The following ZHX2 variants were observed in gnomAD, a reference collection of about 807,000 sequenced individuals.
ZHX2 encodes the protein zinc fingers and homeoboxes 2.
ZHX2 carries 6 observed loss-of-function variants against 21.9 expected under a neutral mutation model. The observed-to-expected ratio is 0.27, with a 90% CI of 0.15 to 0.54. The LOEUF is 0.54. ZHX2 is among the 20% of genes least tolerant of loss of function. The pLI is 0.95. For missense variants in ZHX2, 908 were observed against 1,090.7 expected (o/e 0.83, Z 2.36); for synonymous variants, 434 against 437.1 (o/e 0.99, Z 0.09).
chr8:122,870,638 C>CAAAAAAA (rs59071295), intron 2 of ZHX2, among the ~76,000 whole-genome samples: 19 of 63,906 alleles, frequency 3.0e-4, no homozygotes, highest in African/African-American at 5.0e-4. Flanking sequence ...GTCTCTGTCT[C>CAAAAAAA]AAAAAAAAAA....
intron 3 of ZHX2, among the ~76,000 whole-genome samples, chr8:122,969,129 C>T (rs1356012439): frequency 1.3e-5 from 2 of 151,740 alleles, no homozygotes; most frequent in Non-Finnish European, 2.9e-5. Flanking sequence ...CCACTGCACT[C>T]CAGCCTGGGT....
intron 2 of ZHX2, among the ~76,000 whole-genome samples, chr8:122,937,734 A>C: frequency 6.7e-6 from 1 of 149,504 alleles, no homozygotes; most frequent in African/African-American, 2.5e-5. Context: ...GCCCACTACC[A>C]CACCTGGCTA....
At chr8:122,958,172 C>A (rs1166294600) in intron 3 of ZHX2, among the ~76,000 whole-genome samples, 1 of 152,186 alleles carries the variant, frequency 6.6e-6, no homozygotes, top group Non-Finnish European at 1.5e-5. Flanking sequence ...CTCCTGCAAC[C>A]AAATCTCTCT....
In ZHX2 at chr8:122,918,675, G is replaced by A. The variant is rs566056226; in HGVS notation, c.-219-32617G>A. 1.7e-3 allele frequency among the ~76,000 whole-genome samples: 253 copies of A among 152,258 alleles called. 1 individual carries two copies. The highest frequency in any genetic ancestry group is 3.1e-3 in the Non-Finnish European group (213 of 68,024). On this transcript the variant is annotated intron_variant, in intron 2 of 3. Coordinates refer to ENST00000314393, the MANE Select transcript of ZHX2 (RefSeq NM_014943.5). Reference sequence around the variant, plus strand: ...TAAAACTTTCTTTACGTCCGGGCGCGGTGGCTCACACCTGTAATCCCAGCA... The same window carrying A: ...TAAAACTTTCTTTACGTCCGGGCGCAGTGGCTCACACCTGTAATCCCAGCA...
At position 122,890,215 on chromosome 8, in the gene ZHX2, A is replaced by G. The variant is rs984644241; in HGVS notation, c.-220+26676A>G. Reference sequence around the variant, plus strand: ...CCCAGCGCCATTTATTGAAGAGACTATCATTTTCCTGATGTAGGTTCTTGG... The same window carrying G: ...CCCAGCGCCATTTATTGAAGAGACTGTCATTTTCCTGATGTAGGTTCTTGG... On this transcript the variant is annotated intron_variant, in intron 2 of 3. Transcript: ENST00000314393. Among the ~76,000 whole-genome samples, 4 of 152,084 alleles carry G rather than the reference A, an allele frequency of 2.6e-5. No homozygotes were observed. In the East Asian group the frequency reaches 5.8e-4, roughly 22 times the overall value.
intron 2 of ZHX2, among the ~76,000 whole-genome samples, chr8:122,884,035 A>G (rs552192505): frequency 6.6e-6 from 1 of 152,358 alleles, no homozygotes; most frequent in East Asian, 1.9e-4. Context: ...ATAGCCAACT[A>G]CACACCTAGG....
At chr8:122,852,352 T>C (rs1487554130) in intron 1 of ZHX2, among the ~76,000 whole-genome samples, 1 of 152,192 alleles carries the variant, frequency 6.6e-6, no homozygotes, top group African/African-American at 2.4e-5. Flanking sequence ...TTCTGAATCC[T>C]AGAAGGTGCA....
intron 1 of ZHX2, among the ~76,000 whole-genome samples, chr8:122,791,290 G>A (rs1039932351): frequency 1.3e-5 from 2 of 152,164 alleles, no homozygotes; most frequent in African/African-American, 4.8e-5. Context: ...TAATATGAAG[G>A]TCAGAGCCAG....
chr8:122,813,441 A>G (rs1182202062), intron 1 of ZHX2, among the ~76,000 whole-genome samples: 1 of 152,198 alleles, frequency 6.6e-6, no homozygotes, highest in Non-Finnish European at 1.5e-5. Context: ...AAAGACTTTC[A>G]GAGCTTGACT....
At chr8:122,802,968 G>A (rs1181349791) in intron 1 of ZHX2, among the ~76,000 whole-genome samples, 5 of 34,894 alleles carry the variant, frequency 1.4e-4, no homozygotes, top group Admixed American at 6.2e-4. Context: ...ACCCCACCCC[G>A]CCCCCAGTTA....
intron 2 of ZHX2, among the ~76,000 whole-genome samples, chr8:122,921,510 GCTCT>G (rs1392372667): frequency 6.6e-6 from 1 of 152,118 alleles, no homozygotes; most frequent in African/African-American, 2.4e-5. Flanking sequence ...GATCTTAAGT[GCTCT>G]CGCCACAAAA....
At chr8:122,922,289 G>T (rs1232950923) in intron 2 of ZHX2, among the ~76,000 whole-genome samples, 1 of 145,272 alleles carries the variant, frequency 6.9e-6, no homozygotes, top group African/African-American at 2.6e-5. Flanking sequence ...AAAAAAAAAA[G>T]AAAAGGAAAA....
chr8:122,950,559 C>A (rs1223203342), intron 2 of ZHX2, among the ~76,000 whole-genome samples: 4 of 152,172 alleles, frequency 2.6e-5, no homozygotes, highest in African/African-American at 9.7e-5. Context: ...CCTGCACATT[C>A]TGCACATGTA....
chr8:122,836,694 T>C (rs1757645432), intron 1 of ZHX2, among the ~76,000 whole-genome samples: 1 of 152,252 alleles, frequency 6.6e-6, no homozygotes, highest in South Asian at 2.1e-4. Context: ...TTTCTTGATC[T>C]TCACGGGTAC....
chr8:122,880,799 T>G (rs1463538200), intron 2 of ZHX2, among the ~76,000 whole-genome samples: 8 of 136,672 alleles, frequency 5.9e-5, no homozygotes, highest in Admixed American at 7.4e-5. Context: ...ATAGAGAGAG[T>G]GAGAGATGCT....
rs754401593 is a variant in ZHX2, at chr8:122,953,028, T to C, written c.1518T>C (p.Leu506=). 20 of 1,613,968 alleles carry C rather than the reference T, an allele frequency of 1.2e-5. No individual in the cohort carries two copies. In the African/African-American group the frequency reaches 2.7e-4, roughly 22 times the overall value. Residue 506 remains leucine, a synonymous_variant, in exon 3 of 4, where the codon CTT becomes CTC. Transcript: ENST00000314393. This position sits in a 1 kb window ranked among gnomAD's most constrained non-coding sequence, Gnocchi z 4.6. Reference sequence around the variant, plus strand: ...TCGTCCACATCACCAGCGAATCCCTTGCCAAAGACCAGTTGGCCATCGCGG... The same window carrying C: ...TCGTCCACATCACCAGCGAATCCCTCGCCAAAGACCAGTTGGCCATCGCGG... ...RGIVHITSES[L]AKDQLAIAAS... is the part of the protein sequence containing the mutation.
intron 1 of ZHX2, among the ~76,000 whole-genome samples, chr8:122,820,000 C>T (rs1293479985): frequency 6.6e-6 from 1 of 151,670 alleles, no homozygotes; most frequent in Non-Finnish European, 1.5e-5. Flanking sequence ...ATCCAGCTTT[C>T]AGAGCTCTCA....
intron 1 of ZHX2, among the ~76,000 whole-genome samples, chr8:122,825,793 T>A (rs2130654268): frequency 6.6e-6 from 1 of 152,308 alleles, no homozygotes; most frequent in South Asian, 2.1e-4. Flanking sequence ...AATGGAGGGC[T>A]ACAAAAAGCA....
intron 3 of ZHX2, among the ~76,000 whole-genome samples, chr8:122,968,163 T>C (rs1319597732): frequency 6.6e-6 from 1 of 152,172 alleles, no homozygotes; most frequent in Non-Finnish European, 1.5e-5. Context: ...GAGTTTAAAA[T>C]ACAATTCCAT....
Sources: allele counts gnomAD v4.1 joint callset (sites outside exome capture counted in the v4.1 genomes callset), GRCh38; gene constraint gnomAD v4.1.1; non-coding constraint Gnocchi (gnomAD v3.1); transcripts MANE v1.5; gene names NCBI Gene and HGNC (gene_info 2026-07-23, HGNC 2026-07-21).